The following PRKG1 variants were observed in gnomAD, a reference collection of about 807,000 sequenced individuals.
PRKG1 encodes the protein cGMP-dependent protein kinase 1.
Under a neutral mutation model 88.1 loss-of-function variants are expected in PRKG1, and 35 were observed. That is an observed-to-expected ratio of 0.40 (90% CI 0.30 to 0.53). The LOEUF (loss-of-function observed/expected upper bound fraction) is 0.53, where lower values mean the gene tolerates loss of function less well. Among genes scored for constraint, PRKG1 ranks in the 20% least tolerant of loss-of-function variants. The probability of loss-of-function intolerance (pLI) is 0.59; values close to 1 mark genes in which losing one functional copy is unlikely to be tolerated. For missense variants in PRKG1, 540 were observed against 839.8 expected (o/e 0.64, Z 4.41); for synonymous variants, 303 against 292.5 (o/e 1.04, Z -0.37).
intron 3 of PRKG1, among the ~76,000 whole-genome samples, chr10:51,572,599 T>C (rs1421775292): frequency 6.6e-6 from 1 of 151,904 alleles, no homozygotes; most frequent in Non-Finnish European, 1.5e-5. Flanking sequence ...AGGATCAGTA[T>C]GACCTAAGAA....
intron 3 of PRKG1, among the ~76,000 whole-genome samples, chr10:51,766,003 A>G (rs928690693): frequency 6.6e-6 from 1 of 152,028 alleles, no homozygotes; most frequent in Non-Finnish European, 1.5e-5. Flanking sequence ...GCAGATGGTC[A>G]CTTGCTTGCT....
chr10:51,358,338 G>C (rs987780802), intron 2 of PRKG1, among the ~76,000 whole-genome samples: 1 of 151,844 alleles, frequency 6.6e-6, no homozygotes, highest in Admixed American at 6.6e-5. Flanking sequence ...TATGACTTTT[G>C]CCATATTCTA....
intron 14 of PRKG1, among the ~76,000 whole-genome samples, chr10:52,287,779 C>T (rs1842154052): frequency 6.6e-6 from 1 of 151,458 alleles, no homozygotes; most frequent in African/African-American, 2.4e-5. Context: ...AAAGAGGATG[C>T]CTAGTGTTAA....
At chr10:51,517,758 A>G (rs1320866866) in intron 3 of PRKG1, among the ~76,000 whole-genome samples, 1 of 152,214 alleles carries the variant, frequency 6.6e-6, no homozygotes, top group East Asian at 1.9e-4. Flanking sequence ...GGGAACACTG[A>G]AAAAGTTCTA....
At chr10:51,850,280 G>A (rs908752318) in intron 4 of PRKG1, among the ~76,000 whole-genome samples, 13 of 152,072 alleles carry the variant, frequency 8.5e-5, no homozygotes, top group East Asian at 3.9e-4. Context: ...GGGTTCAAGC[G>A]ATTCTCCTGC....
At chr10:51,915,322 G>C (rs1842315388) in intron 5 of PRKG1, among the ~76,000 whole-genome samples, 1 of 152,216 alleles carries the variant, frequency 6.6e-6, no homozygotes, top group South Asian at 2.1e-4. Context: ...TCTGTTGTTT[G>C]TAACTAAACT....
chr10:51,676,200 T>G (rs1840706362), intron 3 of PRKG1, among the ~76,000 whole-genome samples: 1 of 142,814 alleles, frequency 7.0e-6, no homozygotes, highest in African/African-American at 2.6e-5. Flanking sequence ...TGAATTTATA[T>G]TCAAATTAAT....
At chr10:51,950,785 C>T (rs985148356) in intron 5 of PRKG1, among the ~76,000 whole-genome samples, 3 of 152,266 alleles carry the variant, frequency 2.0e-5, no homozygotes, top group Non-Finnish European at 2.9e-5. Flanking sequence ...GCCAGTGGGA[C>T]AGTCTTTCTG....
intron 2 of PRKG1, among the ~76,000 whole-genome samples, chr10:51,222,555 G>A (rs1838571303): frequency 1.3e-5 from 2 of 152,012 alleles, no homozygotes; most frequent in African/African-American, 4.8e-5. Context: ...TCTTTAATAA[G>A]GTTGAGAAGT....
chr10:51,996,225 G>A (rs1844437381), intron 5 of PRKG1, among the ~76,000 whole-genome samples: 1 of 142,064 alleles, frequency 7.0e-6, no homozygotes, highest in South Asian at 2.3e-4. Flanking sequence ...TTTGACAGGA[G>A]AATCGCTTGA....
chr10:51,907,804 GATAA>G (rs1186163610), intron 5 of PRKG1: 2 of 405,004 alleles, frequency 4.9e-6, no homozygotes, highest in African/African-American at 4.1e-5. Flanking sequence ...TTTTTGTTGT[GATAA>G]ATACCATGTT....
chr10:51,373,681 G>A (rs1252264177), intron 2 of PRKG1, among the ~76,000 whole-genome samples: 1 of 152,086 alleles, frequency 6.6e-6, no homozygotes, highest in South Asian at 2.1e-4. Flanking sequence ...TTTTAAAAAT[G>A]TGGTACATAC....
At chr10:51,108,375 A>T (rs562870626) in intron 1 of PRKG1, among the ~76,000 whole-genome samples, 1 of 152,152 alleles carries the variant, frequency 6.6e-6, no homozygotes, top group Admixed American at 6.5e-5. Context: ...AGAATCTAAC[A>T]AAATTAAAAA....
chr10:51,075,635 C>A (rs1160648658), intron 1 of PRKG1, among the ~76,000 whole-genome samples: 1 of 152,188 alleles, frequency 6.6e-6, no homozygotes, highest in Middle Eastern at 3.2e-3. Flanking sequence ...GAGGTGGTTG[C>A]TTGTTTCCAG....
chr10:52,161,019 A>G (rs1292988036), intron 8 of PRKG1, among the ~76,000 whole-genome samples: 2 of 152,044 alleles, frequency 1.3e-5, no homozygotes, highest in Non-Finnish European at 2.9e-5. Flanking sequence ...ACTTCTGAGT[A>G]TAGACTTTCA....
intron 4 of PRKG1, among the ~76,000 whole-genome samples, chr10:51,879,305 G>A (rs1288090844): frequency 6.6e-6 from 1 of 152,154 alleles, no homozygotes; most frequent in Non-Finnish European, 1.5e-5. Context: ...AAGATGAACT[G>A]GGGTGAGTTC....
chr10:51,024,062 C>T (rs1242917372), intron 1 of PRKG1, among the ~76,000 whole-genome samples: 1 of 152,182 alleles, frequency 6.6e-6, no homozygotes, highest in African/African-American at 2.4e-5. Flanking sequence ...CCAACACAAC[C>T]TCCATATTAG....
chr10:51,224,868 C>T (rs1274981771), intron 2 of PRKG1, among the ~76,000 whole-genome samples: 1 of 152,132 alleles, frequency 6.6e-6, no homozygotes, highest in Non-Finnish European at 1.5e-5. Flanking sequence ...GAATCTGGCC[C>T]AGTGGAATCA....
At chr10:51,011,562 C>A (rs1190103765) in intron 1 of PRKG1, among the ~76,000 whole-genome samples, 1 of 152,096 alleles carries the variant, frequency 6.6e-6, no homozygotes, top group Non-Finnish European at 1.5e-5. Flanking sequence ...ATGAATCAAC[C>A]AGGAGAAATG....
Sources: allele counts gnomAD v4.1 joint callset (sites outside exome capture counted in the v4.1 genomes callset), GRCh38; gene constraint gnomAD v4.1.1; transcripts MANE v1.5; gene names NCBI Gene and HGNC (gene_info 2026-07-23, HGNC 2026-07-21).